CTNNA2: variants seen among roughly 807,000 people sequenced by gnomAD.
CTNNA2 encodes the protein catenin alpha 2.
In CTNNA2, 42 loss-of-function variants were observed where a neutral mutation model predicts 101.0. The observed-to-expected ratio is 0.42, with a 90% CI of 0.32 to 0.54. CTNNA2 has a LOEUF of 0.54. Among genes scored for constraint, CTNNA2 ranks in the 20% least tolerant of loss-of-function variants. The probability of loss-of-function intolerance (pLI) is 0.14; values close to 1 mark genes in which losing one functional copy is unlikely to be tolerated. For missense variants in CTNNA2, 871 were observed against 1,223.1 expected, an observed-to-expected ratio of 0.71 and a Z score of 4.29; for synonymous variants, 450 against 456.4, an observed-to-expected ratio of 0.99 and a Z score of 0.18.
intron 17 of CTNNA2, among the ~76,000 whole-genome samples, chr2:80,616,924 T>C (rs1698901043): frequency 6.6e-6 from 1 of 151,752 alleles, no homozygotes; most frequent in Non-Finnish European, 1.5e-5. Context: ...AGCCTAGTTT[T>C]GCATTGGGTT....
chr2:79,477,159 C>CT (rs1273995759), intron 4 of CTNNA2, among the ~76,000 whole-genome samples: 4 of 110,930 alleles, frequency 3.6e-5, no homozygotes, highest in African/African-American at 6.6e-5. Context: ...TCTTTTTTTT[C>CT]TTTTTTTTCT....
Position 79,857,936 on chromosome 2 carries a change from T to C in CTNNA2, c.299-77T>C, listed in dbSNP as rs1040647684. 9.8e-6 allele frequency: 14 copies of C among 1,422,644 alleles called. No homozygotes were observed. The African/African-American group carries it at 1.3e-4, about 13-fold the overall frequency. 88.1% of individuals were successfully genotyped at this position (1,422,644 alleles called of 1,614,324 possible). On this transcript the variant is annotated intron_variant, in intron 3 of 18. Coordinates refer to ENST00000402739, the MANE Select transcript of CTNNA2 (RefSeq NM_001282597.3). ...AGTTTTGCAATAAAAACAGTAATTGTCCATTCACAGATCTTTAGGATGGCC... is the reference window on the plus strand; with the variant it reads ...AGTTTTGCAATAAAAACAGTAATTGCCCATTCACAGATCTTTAGGATGGCC...
At chr2:79,380,454 A>G (rs1416779539) in intron 4 of CTNNA2, among the ~76,000 whole-genome samples, 1 of 152,122 alleles carries the variant, frequency 6.6e-6, no homozygotes, top group East Asian at 1.9e-4. Context: ...AAGAGATACA[A>G]TCATATGTGG....
rs569016985 is a variant in CTNNA2, at chr2:79,764,029, A to G, written c.298+19447A>G. On this transcript the variant is annotated intron_variant, in intron 3 of 18. Transcript: ENST00000402739. Reference sequence around the variant, plus strand: ...ACGGGAAAAGCAAAATTGGTCAAGGACAAAGTCCCTCCAGACACACAGCTA... The same window carrying G: ...ACGGGAAAAGCAAAATTGGTCAAGGGCAAAGTCCCTCCAGACACACAGCTA... 2.0e-5 allele frequency among the ~76,000 whole-genome samples: 3 copies of G among 152,338 alleles called. No individual in the cohort carries two copies. In the East Asian group the frequency reaches 5.8e-4, roughly 29 times the overall value.
At chr2:80,139,713 AC>A (rs1262079773) in intron 7 of CTNNA2, among the ~76,000 whole-genome samples, 2 of 152,174 alleles carry the variant, frequency 1.3e-5, no homozygotes, top group Non-Finnish European at 2.9e-5. Context: ...GGAGCTGCAC[AC>A]CCTAAATGTA....
intron 1 of CTNNA2, among the ~76,000 whole-genome samples, chr2:79,618,143 G>T (rs1013772145): frequency 6.6e-5 from 10 of 152,200 alleles, no homozygotes; most frequent in Non-Finnish European, 1.5e-4. Context: ...TGGGCACCCA[G>T]TGCCCAGTGG....
rs140432724 is a variant in CTNNA2 at position 79,715,205 on chromosome 2, C to CAAAAAAAAAAAAAAAAAAAAAAAAAA, written c.103-29158_103-29157insAAAAAAAAAAAAAAAAAAAAAAAAAA. Among the ~76,000 whole-genome samples, 2 of 66,336 alleles carry CAAAAAAAAAAAAAAAAAAAAAAAAAA rather than the reference C, an allele frequency of 3.0e-5. 1 individual carries two copies. Among genetic ancestry groups the CAAAAAAAAAAAAAAAAAAAAAAAAAA allele is most frequent in the Non-Finnish European group, 5.4e-5 (2 of 36,822 alleles). The allele number at this position is 66,336 out of a possible 152,430, so 43.5% of individuals were successfully genotyped here. ...CTGGGCAACAAGAGCAAAATTCCGT[C>CAAAAAAAAAAAAAAAAAAAAAAAAAA]AAAAAAAAAAAAAAAAAAAAAAAAC... On this transcript the variant is annotated intron_variant, in intron 2 of 18. Transcript: ENST00000402739.
intron 7 of CTNNA2, among the ~76,000 whole-genome samples, chr2:80,025,771 G>T (rs552107958): frequency 1.4e-4 from 22 of 152,262 alleles, no homozygotes; most frequent in African/African-American, 5.3e-4. Context: ...GTATGGAGAG[G>T]TATAGCTACC....
At chr2:79,741,717 C>T (rs1342024486) in intron 2 of CTNNA2, among the ~76,000 whole-genome samples, 1 of 151,406 alleles carries the variant, frequency 6.6e-6, no homozygotes, top group Non-Finnish European at 1.5e-5. Flanking sequence ...TTGCTCTTCA[C>T]TCTTGTAGTA....
At chr2:79,851,290 G>A (rs1435945596) in intron 3 of CTNNA2, among the ~76,000 whole-genome samples, 1 of 152,230 alleles carries the variant, frequency 6.6e-6, no homozygotes, top group Non-Finnish European at 1.5e-5. Flanking sequence ...GACCAGACCT[G>A]TAAGTGGTTT....
chr2:79,569,902 A>C (rs1675355975), intron 1 of CTNNA2, among the ~76,000 whole-genome samples: 1 of 152,180 alleles, frequency 6.6e-6, no homozygotes, highest in Non-Finnish European at 1.5e-5. Flanking sequence ...GCTAAACTAA[A>C]ATGTGACTGT....
rs536009056 is a variant in CTNNA2, at chr2:79,355,746, G to T, written c.-317-18085G>T. On this transcript the variant is annotated intron_variant, in intron 3 of 21. Transcript: ENST00000466387. ...TTTTACTTGGCATAATGTTTTCTAG[G>T]TTATCCACATTTTAACCTGAATCAG... Among the ~76,000 whole-genome samples, 3 of 152,130 alleles carry T rather than the reference G, an allele frequency of 2.0e-5. No homozygotes were observed. The South Asian group carries it at 6.2e-4, about 32-fold the overall frequency.
At chr2:79,863,129 G>A (rs952137892) in intron 4 of CTNNA2, among the ~76,000 whole-genome samples, 7 of 144,158 alleles carry the variant, frequency 4.9e-5, no homozygotes, top group South Asian at 2.2e-4. Flanking sequence ...CTCTTTCCTG[G>A]TAGCTCAAAC....
chr2:79,965,948 AAAAT>A (rs1690027339), intron 7 of CTNNA2, among the ~76,000 whole-genome samples: 2 of 152,194 alleles, frequency 1.3e-5, no homozygotes, highest in African/African-American at 2.4e-5. Flanking sequence ...GAAACATCTA[AAAAT>A]AAAATAATTA....
At chr2:80,246,303 T>C (rs1193099809) in intron 7 of CTNNA2, among the ~76,000 whole-genome samples, 2 of 152,216 alleles carry the variant, frequency 1.3e-5, no homozygotes, top group East Asian at 3.9e-4. Context: ...AATAAATTGC[T>C]GTTAATTGCT....
At chr2:80,548,039 C>T (rs537104301) in intron 11 of CTNNA2, among the ~76,000 whole-genome samples, 1 of 152,164 alleles carries the variant, frequency 6.6e-6, no homozygotes, top group Non-Finnish European at 1.5e-5. Context: ...ATAGCTGAGT[C>T]CTAATCTTGT....
rs1351705908 is a variant in CTNNA2 at position 79,214,860 on chromosome 2, G to T, written c.-406+16784G>T. The stretch of plus-strand genomic sequence containing the variant: ...AAGTATTGTCTAAGTTGGCACCAGA[G>T]TTGGGGAGTTTTAAGAGGTTTAGAA... On this transcript the variant is annotated intron_variant, in intron 2 of 21. Coordinates refer to the CTNNA2 transcript ENST00000466387. 7.2e-5 allele frequency among the ~76,000 whole-genome samples: 11 copies of T among 151,980 alleles called. No individual in the cohort carries two copies. In the East Asian group the frequency reaches 2.1e-3, roughly 30 times the overall value.
chr2:80,483,506 A>G (rs181369306), intron 9 of CTNNA2, among the ~76,000 whole-genome samples: 9 of 152,192 alleles, frequency 5.9e-5, no homozygotes, highest in East Asian at 1.9e-4. Flanking sequence ...AACTCATTCA[A>G]TCCTACTATG....
intron 1 of CTNNA2, among the ~76,000 whole-genome samples, chr2:79,623,119 T>C (rs1198940333): frequency 6.6e-6 from 1 of 152,164 alleles, no homozygotes; most frequent in Admixed American, 6.6e-5. Flanking sequence ...TGAATCATAG[T>C]CTATCAGCAT....
Sources: allele counts gnomAD v4.1 joint callset (sites outside exome capture counted in the v4.1 genomes callset), GRCh38; gene constraint gnomAD v4.1.1; transcripts MANE v1.5; gene names NCBI Gene and HGNC (gene_info 2026-07-23, HGNC 2026-07-21).